Variants in NAALADL2 observed in about 807,000 individuals in gnomAD.
NAALADL2 encodes inactive N-acetylated-alpha-linked acidic dipeptidase-like protein 2.
In NAALADL2, 76 loss-of-function variants were observed where a neutral mutation model predicts 87.2. That is an observed-to-expected ratio of 0.87 (90% CI 0.72 to 1.05). The LOEUF is 1.05. Ranked by LOEUF, NAALADL2 falls within the 50% of genes least tolerant of loss-of-function variation. NAALADL2 has a pLI of 0.00. For synonymous variants in NAALADL2, 354 were observed against 331.0 expected (o/e 1.07, Z -0.75); for missense variants, 1,089 against 945.8 (o/e 1.15, Z -1.99).
At chr3:175,745,398 G>A (rs1340378833) in intron 12 of NAALADL2, among the ~76,000 whole-genome samples, 1 of 152,108 alleles carries the variant, frequency 6.6e-6, no homozygotes, top group Non-Finnish European at 1.5e-5. Flanking sequence ...TTGTCCCTCA[G>A]TATCCATGGA....
At chr3:175,218,226 A>G (rs1297287698) in intron 2 of NAALADL2, 3 of 331,970 alleles carry the variant, frequency 9.0e-6, no homozygotes, top group Non-Finnish European at 1.8e-5. Context: ...AGAGGAGATA[A>G]TTAGTCAAAG....
intron 1 of NAALADL2, among the ~76,000 whole-genome samples, chr3:174,929,544 A>G (rs529472423): frequency 6.6e-6 from 1 of 152,296 alleles, no homozygotes; most frequent in East Asian, 1.9e-4. Flanking sequence ...GTATGTGTAC[A>G]TATACAATAC....
rs553928177 is a variant in NAALADL2, at chr3:174,641,345, A to G, written c.-115+90708A>G. On this transcript the variant is annotated intron_variant, in intron 2 of 3. Transcript: ENST00000434257. Reference sequence around the variant, plus strand: ...CCTGGACTCCTGCTACACAGAAGCCATGTGGTGACAAGTCCTAGGTTTGGT... The same window carrying G: ...CCTGGACTCCTGCTACACAGAAGCCGTGTGGTGACAAGTCCTAGGTTTGGT... Among the ~76,000 whole-genome samples the G allele has an allele frequency of 7.6e-4, 115 of 152,312 alleles. 1 individual carries two copies. In the South Asian group the frequency reaches 0.024, roughly 31 times the overall value.
At chr3:175,058,936 TA>T (rs1559971727) in intron 1 of NAALADL2, among the ~76,000 whole-genome samples, 1 of 152,192 alleles carries the variant, frequency 6.6e-6, no homozygotes, top group East Asian at 1.9e-4. Flanking sequence ...TCCTACCTAC[TA>T]GTCTTGACTG....
At chr3:174,726,722 C>T (rs1184550781) in intron 2 of NAALADL2, among the ~76,000 whole-genome samples, 4 of 152,048 alleles carry the variant, frequency 2.6e-5, no homozygotes, top group African/African-American at 7.2e-5. Flanking sequence ...CTTTCTTAGG[C>T]TCTTCTTTTC....
At chr3:175,787,049 T>A (rs986111781) in intron 13 of NAALADL2, among the ~76,000 whole-genome samples, 2 of 151,950 alleles carry the variant, frequency 1.3e-5, no homozygotes, top group African/African-American at 4.8e-5. Context: ...GGGACCCACT[T>A]GAGGAGGCAG....
intron 10 of NAALADL2, among the ~76,000 whole-genome samples, chr3:175,588,471 C>T (rs1450539590): frequency 2.0e-5 from 3 of 150,948 alleles, no homozygotes; most frequent in African/African-American, 7.3e-5. Context: ...TAAAGAAACA[C>T]AGTATCTGGG....
rs200753047 is a variant in NAALADL2 at position 174,762,123 on chromosome 3, CAA to C, written c.-9+24378_-9+24379del. Among the ~76,000 whole-genome samples the C allele has an allele frequency of 3.8e-3, 576 of 150,918 alleles. 2 individuals are homozygous for C. Among genetic ancestry groups the C allele is most frequent in the East Asian group, 0.022 (111 of 5,066 alleles). ...TTTTCTATTTTTTGATGAAATGAAA[CAA>C]TGTATCTGGGGAAGTGATTTTTTCT... is the stretch of plus-strand genomic sequence containing the variant. On this transcript the variant is annotated intron_variant, in intron 3 of 3. Coordinates refer to the NAALADL2 transcript ENST00000434257.
At chr3:175,129,092 C>G (rs1045428147) in intron 2 of NAALADL2, among the ~76,000 whole-genome samples, 1 of 137,604 alleles carries the variant, frequency 7.3e-6, no homozygotes, top group African/African-American at 2.9e-5. Context: ...GTGTGCACCC[C>G]TATGCCTGGC....
chr3:175,237,669 T>C (rs182588338), intron 3 of NAALADL2, among the ~76,000 whole-genome samples: 17 of 152,324 alleles, frequency 1.1e-4, no homozygotes, highest in African/African-American at 3.8e-4. Context: ...ACTTACTTTT[T>C]CTTGTCAATA....
intron 1 of NAALADL2, among the ~76,000 whole-genome samples, chr3:174,989,466 A>G (rs2108701736): frequency 6.6e-6 from 1 of 152,362 alleles, no homozygotes; most frequent in East Asian, 1.9e-4. Context: ...GAGAAGGAAG[A>G]AAATATTGTA....
At chr3:174,722,964 A>G (rs1449799624) in intron 2 of NAALADL2, among the ~76,000 whole-genome samples, 1 of 152,198 alleles carries the variant, frequency 6.6e-6, no homozygotes, top group East Asian at 1.9e-4. Flanking sequence ...TTACATTATT[A>G]ATTCATGGCT....
rs73881414 is a variant in NAALADL2 at position 175,167,772 on chromosome 3, C to A, written c.546-66159C>A. On this transcript the variant is annotated intron_variant, in intron 2 of 13. Coordinates refer to ENST00000454872, the MANE Select transcript of NAALADL2 (RefSeq NM_207015.3). Reference sequence around the variant, plus strand: ...CATCTTTTAGGTTTCAGTTAAAAAACAGCATTTTCTCAGGCCAGACTTTCC... The same window carrying A: ...CATCTTTTAGGTTTCAGTTAAAAAAAAGCATTTTCTCAGGCCAGACTTTCC... 3.6e-3 allele frequency among the ~76,000 whole-genome samples: 550 copies of A among 152,128 alleles called. 3 individuals carry two copies. The highest frequency in any genetic ancestry group is 0.017 in the Middle Eastern group (5 of 294).
intron 5 of NAALADL2, among the ~76,000 whole-genome samples, chr3:175,417,974 T>A (rs150813095): frequency 3.9e-5 from 6 of 152,112 alleles, no homozygotes; most frequent in Non-Finnish European, 4.4e-5. Flanking sequence ...GGGAATGGTG[T>A]GGAGTTATGG....
chr3:174,724,995 C>CTG (rs1732052534), intron 2 of NAALADL2, among the ~76,000 whole-genome samples: 2 of 152,250 alleles, frequency 1.3e-5, no homozygotes, highest in African/African-American at 4.8e-5. Flanking sequence ...AAATCTAGAG[C>CTG]TGATTCATGG....
intron 11 of NAALADL2, among the ~76,000 whole-genome samples, chr3:175,692,666 T>C (rs771151572): frequency 1.3e-5 from 2 of 152,180 alleles, no homozygotes; most frequent in Non-Finnish European, 2.9e-5. Context: ...GAAGTTTTCA[T>C]CCACTTCATG....
chr3:175,795,520 A>C (rs908020029), intron 13 of NAALADL2, among the ~76,000 whole-genome samples: 9 of 100,774 alleles, frequency 8.9e-5, no homozygotes, highest in African/African-American at 1.1e-4. Flanking sequence ...AAAAAATACA[A>C]AAAAAAAAAA....
intron 1 of NAALADL2, among the ~76,000 whole-genome samples, chr3:174,871,318 A>G (rs912310700): frequency 3.3e-5 from 5 of 152,214 alleles, no homozygotes; most frequent in African/African-American, 1.2e-4. Flanking sequence ...GACTTAGTCA[A>G]TAATTCTAGG....
chr3:175,703,523 A>G (rs1279117421), intron 11 of NAALADL2, among the ~76,000 whole-genome samples: 2 of 152,142 alleles, frequency 1.3e-5, no homozygotes, highest in Non-Finnish European at 2.9e-5. Flanking sequence ...CGGGCGGATC[A>G]CCTGAGGTCA....
Sources: gnomAD v4.1 joint callset for allele counts (sites outside exome capture counted in the v4.1 genomes callset) on GRCh38, gnomAD v4.1.1 for gene constraint, MANE v1.5 for transcripts, NCBI Gene and HGNC (gene_info 2026-07-23, HGNC 2026-07-21) for gene names.